The following ZBTB7C variants were observed in gnomAD, a reference collection of about 807,000 sequenced individuals.
The protein encoded by ZBTB7C is zinc finger and BTB domain containing 7C, also known as zinc finger and BTB domain-containing protein 7C.
A neutral mutation model predicts 25.7 loss-of-function variants in ZBTB7C; 8 were observed. That is an observed-to-expected ratio of 0.31 (90% CI 0.18 to 0.56). ZBTB7C has a LOEUF of 0.56. ZBTB7C is among the 20% of genes least tolerant of loss of function. The probability of loss-of-function intolerance (pLI) is 0.91; values close to 1 mark genes in which losing one functional copy is unlikely to be tolerated. For synonymous variants in ZBTB7C, 394 were observed against 369.0 expected, an observed-to-expected ratio of 1.07 and a Z score of -0.78; for missense variants, 824 against 855.2, an observed-to-expected ratio of 0.96 and a Z score of 0.46.
At chr18:48,141,678 G>T (rs1310216510) in intron 3 of ZBTB7C, among the ~76,000 whole-genome samples, 3 of 152,188 alleles carry the variant, frequency 2.0e-5, no homozygotes, top group Admixed American at 1.3e-4. Context: ...ATTTCACACC[G>T]CATTTAACAC....
chr18:48,163,044 C>T (rs960180790), intron 3 of ZBTB7C, among the ~76,000 whole-genome samples: 1 of 152,090 alleles, frequency 6.6e-6, no homozygotes, highest in Admixed American at 6.5e-5. Context: ...GAATGGGGCC[C>T]GTTGGTCCTC....
intron 2 of ZBTB7C, chr18:48,252,860 T>G (rs1007320412): frequency 3.9e-5 from 6 of 152,318 alleles, no homozygotes; most frequent in Admixed American, 2.0e-4. Context: ...TGACATTTAT[T>G]AGTGGAATTT....
At chr18:48,093,612 A>G (rs2038501432) in intron 3 of ZBTB7C, among the ~76,000 whole-genome samples, 1 of 143,902 alleles carries the variant, frequency 6.9e-6, no homozygotes, top group African/African-American at 2.6e-5. Context: ...AGTGATTAAA[A>G]AAAAACAAAA....
In ZBTB7C at chr18:48,055,632, G is replaced by A. The variant is rs1014103324; in HGVS notation, c.-16-14509C>T. ...TGCTTTGTGAGACTCTCAGGAGACA[G>A]GAGCCTGCCTTCACTCTCCTGATAT... On this transcript the variant is annotated intron_variant, in intron 3 of 4. Coordinates refer to ENST00000590800, the MANE Select transcript of ZBTB7C (RefSeq NM_001318841.2). Among the ~76,000 whole-genome samples the A allele has an allele frequency of 2.6e-5, 4 of 152,170 alleles. No individual in the cohort carries two copies. The Middle Eastern group carries it at 0.01, about 388-fold the overall frequency.
At chr18:48,182,984 T>C (rs2041965455) in intron 3 of ZBTB7C, among the ~76,000 whole-genome samples, 1 of 152,168 alleles carries the variant, frequency 6.6e-6, no homozygotes, top group Non-Finnish European at 1.5e-5. Flanking sequence ...ATAATAATTA[T>C]TATTTGCAAT....
intron 2 of ZBTB7C, among the ~76,000 whole-genome samples, chr18:48,323,253 T>C (rs1370572110): frequency 2.0e-5 from 3 of 152,232 alleles, no homozygotes; most frequent in Admixed American, 2.0e-4. Flanking sequence ...TGGTATGATC[T>C]TGTGAGGAGG....
chr18:48,106,345 GAAAAAA>G lies in ZBTB7C; in HGVS notation c.-16-65228_-16-65223del, dbSNP rs56291079. Among the ~76,000 whole-genome samples, 463 of 139,730 alleles carry G rather than the reference GAAAAAA, an allele frequency of 3.3e-3. 1 individual carries two copies. Among genetic ancestry groups the G allele is most frequent in the African/African-American group, 0.011 (437 of 38,286 alleles). 91.7% of individuals were successfully genotyped at this position (139,730 alleles called of 152,430 possible). A position where few individuals can be genotyped will look rare whatever the true frequency, so the allele number is the denominator to read the frequency against. On this transcript the variant is annotated intron_variant, in intron 3 of 4. Coordinates refer to ENST00000590800, the MANE Select transcript of ZBTB7C (RefSeq NM_001318841.2). ...GAATGTGCATTTCCAAAAGTGGCAA[GAAAAAA>G]AAAAAAAGAAAAAGGCAATATTTAA...
intron 1 of ZBTB7C, among the ~76,000 whole-genome samples, chr18:48,388,477 A>G (rs1288881020): frequency 6.6e-6 from 1 of 152,072 alleles, no homozygotes; most frequent in Admixed American, 6.5e-5. Flanking sequence ...GTTGCTGAGT[A>G]ACTGATTGAA....
intron 3 of ZBTB7C, among the ~76,000 whole-genome samples, chr18:48,131,491 G>A (rs977181416): frequency 6.6e-6 from 1 of 151,768 alleles, no homozygotes; most frequent in African/African-American, 2.4e-5. Flanking sequence ...TGTGTGTAAT[G>A]TTTGGTAGTC....
intron 3 of ZBTB7C, among the ~76,000 whole-genome samples, chr18:48,124,228 T>C (rs2039725340): frequency 6.6e-6 from 1 of 152,204 alleles, no homozygotes. Context: ...CCGCAGTCTG[T>C]CTGCCTGACT....
At chr18:48,319,372 T>C (rs1346419204) in intron 2 of ZBTB7C, among the ~76,000 whole-genome samples, 2 of 152,198 alleles carry the variant, frequency 1.3e-5, no homozygotes, top group African/African-American at 2.4e-5. Flanking sequence ...TCAGTTTTCC[T>C]ATCCGTTAAA....
At chr18:48,076,815 G>T in intron 3 of ZBTB7C, 2 of 462,562 alleles carry the variant, frequency 4.3e-6, no homozygotes, top group African/African-American at 2.1e-5. Flanking sequence ...GCACTGCTCT[G>T]CTGAGAACCC....
intron 3 of ZBTB7C, among the ~76,000 whole-genome samples, chr18:48,067,879 T>A (rs1167724590): frequency 1.3e-5 from 2 of 152,146 alleles, no homozygotes; most frequent in Non-Finnish European, 2.9e-5. Flanking sequence ...CGCATGCCTG[T>A]AATCCCAGCT....
chr18:48,266,922 G>A (rs1410907482), intron 2 of ZBTB7C, among the ~76,000 whole-genome samples: 2 of 152,016 alleles, frequency 1.3e-5, no homozygotes, highest in Non-Finnish European at 2.9e-5. Context: ...AAAGGACATT[G>A]GGTCTTCAAT....
chr18:48,077,819 T>C (rs746901810), intron 3 of ZBTB7C, among the ~76,000 whole-genome samples: 8 of 152,216 alleles, frequency 5.3e-5, no homozygotes, highest in Non-Finnish European at 8.8e-5. Context: ...AATACCCTGC[T>C]GGCTCCCTGG....
rs767232791 is a variant in ZBTB7C, at chr18:48,041,139, GAGA to G, written c.-16-19_-16-17del. 12 of 1,564,386 alleles carry G rather than the reference GAGA, an allele frequency of 7.7e-6. 1 individual carries two copies. In the South Asian group the frequency reaches 1.2e-4, roughly 15 times the overall value. On this transcript the variant is annotated splice_polypyrimidine_tract_variant and intron_variant, in intron 3 of 4. Transcript: ENST00000590800. ...AGCCAGAGCCCTGCAGAGACACACAGAGAAGAAGACTGGGTTAGTGAGCGTGGC... is the reference window on the plus strand; with the variant it reads ...AGCCAGAGCCCTGCAGAGACACACAGAGAAGACTGGGTTAGTGAGCGTGGC...
chr18:48,106,834 G>A (rs1380008332), intron 3 of ZBTB7C, among the ~76,000 whole-genome samples: 1 of 151,642 alleles, frequency 6.6e-6, no homozygotes, highest in Non-Finnish European at 1.5e-5. Flanking sequence ...CTGCAGCGGG[G>A]TGGGGAATGG....
intron 2 of ZBTB7C, among the ~76,000 whole-genome samples, chr18:48,327,154 C>T (rs1448395622): frequency 6.6e-6 from 1 of 152,144 alleles, no homozygotes; most frequent in African/African-American, 2.4e-5. Flanking sequence ...CCTGGTCTCT[C>T]TGTCTCTTCG....
At chr18:48,343,753 T>C (rs544575214) in intron 1 of ZBTB7C, among the ~76,000 whole-genome samples, 7 of 152,210 alleles carry the variant, frequency 4.6e-5, no homozygotes, top group Non-Finnish European at 7.3e-5. Flanking sequence ...ATCTGCATCA[T>C]CTGCGGATCT....
Sources: gnomAD v4.1 joint callset for allele counts (sites outside exome capture counted in the v4.1 genomes callset) on GRCh38, gnomAD v4.1.1 for gene constraint, MANE v1.5 for transcripts, NCBI Gene and HGNC (gene_info 2026-07-23, HGNC 2026-07-21) for gene names.